The following CFAP70 variants were observed in gnomAD, a reference collection of about 807,000 sequenced individuals.
CFAP70 encodes the protein cilia and flagella associated protein 70.
Under a neutral mutation model 137.6 loss-of-function variants are expected in CFAP70, and 81 were observed. The observed-to-expected ratio is 0.59, with a 90% CI of 0.49 to 0.71. The LOEUF (loss-of-function observed/expected upper bound fraction) is 0.71. Among genes scored for constraint, CFAP70 ranks in the 30% least tolerant of loss-of-function variants. CFAP70 has a pLI of 0.00. For synonymous variants in CFAP70, 382 were observed against 423.6 expected (o/e 0.90, Z 1.20); for missense variants, 976 against 1,226.7 (o/e 0.80, Z 3.05).
intron 9 of CFAP70, among the ~76,000 whole-genome samples, chr10:73,317,538 T>A (rs12572661): frequency 6.6e-6 from 1 of 152,262 alleles, no homozygotes; most frequent in Admixed American, 6.5e-5. Context: ...AATGTGTATA[T>A]TTTGGGTCTC....
At chr10:73,319,982 T>C (rs2050714198) in intron 9 of CFAP70, among the ~76,000 whole-genome samples, 1 of 152,252 alleles carries the variant, frequency 6.6e-6, no homozygotes, top group African/African-American at 2.4e-5. Context: ...TTGAAAAAAC[T>C]ACTATATTTC....
intron 24 of CFAP70, among the ~76,000 whole-genome samples, chr10:73,271,779 C>T (rs910536488): frequency 1.3e-5 from 2 of 152,132 alleles, no homozygotes; most frequent in African/African-American, 4.8e-5. Context: ...ACTGCAGCCT[C>T]TAACTTCTGT....
intron 19 of CFAP70, among the ~76,000 whole-genome samples, chr10:73,288,587 T>G (rs1370901702): frequency 6.6e-6 from 1 of 152,160 alleles, no homozygotes; most frequent in Non-Finnish European, 1.5e-5. Context: ...AGGAACTACT[T>G]ATTTCTTCAC....
chr10:73,311,051 T>C (rs2049871629), intron 11 of CFAP70, among the ~76,000 whole-genome samples: 1 of 152,230 alleles, frequency 6.6e-6, no homozygotes, highest in South Asian at 2.1e-4. Flanking sequence ...CTTTGAAACC[T>C]TTGATGTGAA....
intron 3 of CFAP70, among the ~76,000 whole-genome samples, chr10:73,351,071 GTATATATATATATATATATA>G (rs1158760266): frequency 3.4e-3 from 108 of 31,390 alleles, no homozygotes; most frequent in African/African-American, 8.3e-3. Flanking sequence ...GTGTGTGTGT[GTATATATATATATATATATA>G]TATATATATA....
upstream of CFAP70, among the ~76,000 whole-genome samples, chr10:73,362,461 T>C (rs373200543): frequency 5.3e-5 from 8 of 152,188 alleles, no homozygotes; most frequent in African/African-American, 1.9e-4. Flanking sequence ...CTTTCATCAA[T>C]GTTTTGTAGT....
At chr10:73,263,505 T>A (rs1167832217) in intron 25 of CFAP70, among the ~76,000 whole-genome samples, 3 of 152,222 alleles carry the variant, frequency 2.0e-5, no homozygotes, top group Non-Finnish European at 2.9e-5. Context: ...TGGCATTTTT[T>A]AAAAATAGAG....
At chr10:73,288,026 C>T (rs7900280) in intron 19 of CFAP70, among the ~76,000 whole-genome samples, 16,051 of 152,022 alleles carry the variant, frequency 0.11, 1,220 homozygotes, top group East Asian at 0.31. Context: ...GCCTCCTGAG[C>T]TGCTGGGACT....
chr10:73,310,288 ATATATT>A (rs1246139890), intron 11 of CFAP70, 39 bp from the exon 13 acceptor site: 1 of 1,465,794 alleles, frequency 6.8e-7, no homozygotes, highest in South Asian at 1.2e-5. Context: ...CCAGAAAAAA[ATATATT>A]TATGAAAAAT....
chr10:73,289,987 G>A (rs147165494), intron 19 of CFAP70, among the ~76,000 whole-genome samples: 6,688 of 148,246 alleles, frequency 0.045, 451 homozygotes, highest in African/African-American at 0.15. Flanking sequence ...AGAGGTTGCA[G>A]TGAGCCAAGA....
At chr10:73,362,076 T>C (rs1325828596), upstream of CFAP70, among the ~76,000 whole-genome samples, 1 of 152,180 alleles carries the variant, frequency 6.6e-6, no homozygotes, top group Non-Finnish European at 1.5e-5. Context: ...AATTGAGAGT[T>C]CAGAAATAAA....
intron 7 of CFAP70, among the ~76,000 whole-genome samples, chr10:73,331,688 A>T (rs938828340): frequency 6.6e-6 from 1 of 152,104 alleles, no homozygotes; most frequent in African/African-American, 2.4e-5. Context: ...TCAAAAAAAA[A>T]ATTTTTTTTC....
chr10:73,313,926 C>T (rs1055695208), intron 9 of CFAP70, among the ~76,000 whole-genome samples: 9 of 152,120 alleles, frequency 5.9e-5, no homozygotes, highest in Admixed American at 2.6e-4. Flanking sequence ...TACCACTGAC[C>T]TATCAGTTAT....
At chr10:73,341,832 T>C (rs866125262) in intron 5 of CFAP70, among the ~76,000 whole-genome samples, 2 of 152,258 alleles carry the variant, frequency 1.3e-5, no homozygotes, top group Non-Finnish European at 2.9e-5. Flanking sequence ...GTTTGTCCAG[T>C]GGCAATGTAA....
chr10:73,344,599 G>A (rs2053550112), intron 5 of CFAP70, among the ~76,000 whole-genome samples: 2 of 152,320 alleles, frequency 1.3e-5, no homozygotes, highest in South Asian at 4.1e-4. Context: ...ATAAGTGGAA[G>A]TGTTAACTGA....
chr10:73,358,492 A>AGG (rs2054843888), intron 1 of CFAP70, among the ~76,000 whole-genome samples: 2 of 152,208 alleles, frequency 1.3e-5, no homozygotes, highest in South Asian at 4.1e-4. Context: ...GAAGCGGTAA[A>AGG]GGAAGGTCTA....
At chr10:73,339,732 C>A (rs573564825) in intron 6 of CFAP70, among the ~76,000 whole-genome samples, 1 of 152,236 alleles carries the variant, frequency 6.6e-6, no homozygotes, top group Non-Finnish European at 1.5e-5. Flanking sequence ...CTGAACCAGG[C>A]ATATTGCAAA....
At chr10:73,273,574 C>CTA (rs1237131419) in intron 23 of CFAP70, among the ~76,000 whole-genome samples, 1 of 152,192 alleles carries the variant, frequency 6.6e-6, no homozygotes, top group East Asian at 1.9e-4. Context: ...AGCAAACAGC[C>CTA]TAAGACCTGC....
At position 73,339,283 on chromosome 10, in the gene CFAP70, T is replaced by C. The variant is rs2053013798; in HGVS notation, c.582+2116A>G. On this transcript the variant is annotated intron_variant, in intron 6 of 26. Coordinates refer to ENST00000310715, the Ensembl canonical transcript of CFAP70. ...TCTGAAGTCTGACTCCCTTTCACAA[T>C]TTCCAAGGAAACCTTTTCTTTACTT... 2.6e-5 allele frequency among the ~76,000 whole-genome samples: 4 copies of C among 152,198 alleles called. 1 individual carries two copies. The South Asian group carries it at 8.3e-4, about 31-fold the overall frequency.
Sources: allele counts gnomAD v4.1 joint callset (sites outside exome capture counted in the v4.1 genomes callset), GRCh38; gene constraint gnomAD v4.1.1; transcripts MANE v1.5; gene names NCBI Gene and HGNC (gene_info 2026-07-23, HGNC 2026-07-21).